The following TMEM63C variants were observed in gnomAD, a reference collection of about 807,000 sequenced individuals.
The protein encoded by TMEM63C is transmembrane protein 63C, also known as osmosensitive cation channel TMEM63C.
TMEM63C carries 32 observed loss-of-function variants against 99.2 expected under a neutral mutation model. The ratio of observed to expected loss-of-function variants is 0.32; its 90% CI spans 0.24 to 0.43. TMEM63C has a LOEUF of 0.43. Among genes scored for constraint, TMEM63C ranks in the 20% least tolerant of loss-of-function variants. The pLI, the probability that TMEM63C is intolerant of heterozygous loss-of-function variation, is 1.00. For missense variants in TMEM63C, 826 were observed against 1,053.0 expected, an observed-to-expected ratio of 0.78 and a Z score of 2.98; for synonymous variants, 376 against 397.9, an observed-to-expected ratio of 0.94 and a Z score of 0.66.
At chr14:77,203,034 GT>G (rs1376965181) in intron 1 of TMEM63C, among the ~76,000 whole-genome samples, 1 of 152,160 alleles carries the variant, frequency 6.6e-6, no homozygotes, top group Non-Finnish European at 1.5e-5. Context: ...TGGTTTTGTT[GT>G]TTTGTTTTGT....
chr14:77,219,192 T>C (rs4243654), intron 3 of TMEM63C, among the ~76,000 whole-genome samples: 131,220 of 152,248 alleles, frequency 0.86, 56,576 homozygotes, highest in South Asian at 0.91. Flanking sequence ...GTCCAGAGGT[T>C]CACCTGGCCT....
intron 7 of TMEM63C, among the ~76,000 whole-genome samples, chr14:77,233,194 G>A (rs567275520): frequency 1.3e-5 from 2 of 152,290 alleles, no homozygotes; most frequent in East Asian, 3.9e-4. Context: ...TGTCCATTAT[G>A]TGCCAATTAT....
intron 1 of TMEM63C, among the ~76,000 whole-genome samples, chr14:77,197,214 TG>T (rs1357379658): frequency 1.3e-5 from 2 of 152,250 alleles, no homozygotes; most frequent in Admixed American, 1.3e-4. Context: ...CATGGGGTGT[TG>T]GCCAAGAGCA....
chr14:77,243,079 G>A, intron 15 of TMEM63C, 23 bp downstream of exon 15: 1 of 1,612,524 alleles, frequency 6.2e-7, no homozygotes, highest in South Asian at 1.1e-5. Flanking sequence ...CTCAGGCCAG[G>A]CCTGGGGACC....
At chr14:77,184,107 TG>T (rs1274709104) in intron 1 of TMEM63C, among the ~76,000 whole-genome samples, 1 of 152,104 alleles carries the variant, frequency 6.6e-6, no homozygotes, top group Non-Finnish European at 1.5e-5. Context: ...TTATTACAAA[TG>T]GGAAGTATTA....
intron 20 of TMEM63C, 150 bp downstream of exon 20, chr14:77,249,022 AGCT>A: frequency 1.2e-6 from 1 of 814,132 alleles, no homozygotes; most frequent in Admixed American, 1.9e-5. Context: ...GGTACAGGGC[AGCT>A]GAGGTTGGAT....
At chr14:77,241,873 C>A (rs578022614) in intron 13 of TMEM63C, among the ~76,000 whole-genome samples, 1 of 152,316 alleles carries the variant, frequency 6.6e-6, no homozygotes, top group East Asian at 1.9e-4. Context: ...AGCACCTGCT[C>A]CTCTTTGGTC....
intron 6 of TMEM63C, among the ~76,000 whole-genome samples, chr14:77,228,397 C>CTTCTGGCA (rs59623393): frequency 0.39 from 59,270 of 151,578 alleles, 12,952 homozygotes; most frequent in Non-Finnish European, 0.48. Flanking sequence ...ATCCATTCCA[C>CTTCTGGCA]TTCTGGCATT....
intron 2 of TMEM63C, among the ~76,000 whole-genome samples, chr14:77,215,145 C>T (rs1264640608): frequency 6.6e-6 from 1 of 152,160 alleles, no homozygotes; most frequent in Admixed American, 6.5e-5. Flanking sequence ...CCTCCACAGG[C>T]CCCATTGTTG....
chr14:77,238,538 T>A (rs1012103352), intron 9 of TMEM63C, among the ~76,000 whole-genome samples, 156 bp from the exon 10 acceptor site: 2 of 152,258 alleles, frequency 1.3e-5, no homozygotes, highest in Non-Finnish European at 2.9e-5. Context: ...GTGTCCCAGC[T>A]TGGCTCTGGC....
chr14:77,233,610 C>T (rs1479670145), intron 8 of TMEM63C, 110 bp downstream of exon 8: 35 of 1,119,468 alleles, frequency 3.1e-5, no homozygotes, highest in Admixed American at 2.0e-5. Flanking sequence ...ATAAGAAAGG[C>T]CTGGTTTCCC....
Position 77,231,577 on chromosome 14 carries a change from G to T in TMEM63C, c.351-11G>T. ...TCCTGAGGCACGTCCTTGTCTGTGT[G>T]TCTCTTCCAGGGACGAGGATCTGAT... is the stretch of plus-strand genomic sequence containing the variant. On this transcript the variant is annotated splice_polypyrimidine_tract_variant and intron_variant, in intron 6 of 23. Transcript: ENST00000298351. The T allele has an allele frequency of 6.4e-7, 1 of 1,551,530 alleles. No homozygotes were observed. The highest frequency in any genetic ancestry group is 2.4e-5 in the East Asian group (1 of 40,910).
At chr14:77,240,376 C>T (rs1889145935) in intron 12 of TMEM63C, 99 bp from the exon 13 acceptor site, 12 of 1,411,350 alleles carry the variant, frequency 8.5e-6, no homozygotes, top group Non-Finnish European at 8.4e-6. Flanking sequence ...GCTTCAAGGC[C>T]ACCACAATCC....
chr14:77,232,383 G>T (rs1444107992), intron 7 of TMEM63C, among the ~76,000 whole-genome samples: 2 of 152,110 alleles, frequency 1.3e-5, no homozygotes, highest in Non-Finnish European at 2.9e-5. Context: ...TGCCTCCTGG[G>T]TTCAAGTGAT....
At chr14:77,253,600 C>T (rs1329824409) in intron 23 of TMEM63C, among the ~76,000 whole-genome samples, 1 of 152,236 alleles carries the variant, frequency 6.6e-6, no homozygotes, top group Non-Finnish European at 1.5e-5. Context: ...CCACCGTGTA[C>T]TCGGCATTGT....
intron 1 of TMEM63C, among the ~76,000 whole-genome samples, chr14:77,194,334 A>ATGTGTGTGTGTGTG (rs756163017): frequency 8.3e-5 from 6 of 71,936 alleles, no homozygotes; most frequent in Non-Finnish European, 1.8e-4. Flanking sequence ...AGATATATAT[A>ATGTGTGTGTGTGTG]TATGTGTGTG....
chr14:77,249,970 G>A (rs1889329542), intron 21 of TMEM63C, among the ~76,000 whole-genome samples: 1 of 152,190 alleles, frequency 6.6e-6, no homozygotes, highest in African/African-American at 2.4e-5. Context: ...CAGTAGCTGG[G>A]ACTACAGGCG....
intron 16 of TMEM63C, 69 bp downstream of exon 16, chr14:77,244,524 C>A: frequency 7.8e-7 from 1 of 1,286,556 alleles, no homozygotes. Context: ...GGCTTCCCCG[C>A]CAGCCTGGCA....
intron 10 of TMEM63C, 128 bp from the exon 11 acceptor site, chr14:77,239,284 A>T (rs750115573): frequency 3.3e-5 from 28 of 847,948 alleles, no homozygotes; most frequent in Non-Finnish European, 5.0e-5. Context: ...GCAGAGATGG[A>T]GTATCCCATC....
Sources: gnomAD v4.1 joint callset for allele counts (sites outside exome capture counted in the v4.1 genomes callset) on GRCh38, gnomAD v4.1.1 for gene constraint, MANE v1.5 for transcripts, NCBI Gene and HGNC (gene_info 2026-07-23, HGNC 2026-07-21) for gene names.